The following MKX variants were observed in gnomAD, a reference collection of about 807,000 sequenced individuals.
The protein encoded by MKX is mohawk homeobox.
In MKX, 13 loss-of-function variants were observed where a neutral mutation model predicts 36.0. The ratio of observed to expected loss-of-function variants is 0.36; its 90% CI spans 0.24 to 0.57. The LOEUF (loss-of-function observed/expected upper bound fraction) is 0.57, where lower values mean the gene tolerates loss of function less well. Ranked by LOEUF, MKX falls within the 20% of genes least tolerant of loss-of-function variation. The pLI, the probability that MKX is intolerant of heterozygous loss-of-function variation, is 0.79. For missense variants in MKX, 458 were observed against 456.4 expected, an observed-to-expected ratio of 1.00 and a Z score of -0.03; for synonymous variants, 176 against 178.3, an observed-to-expected ratio of 0.99 and a Z score of 0.10.
At chr10:27,718,025 G>C (rs1007193803) in intron 5 of MKX, among the ~76,000 whole-genome samples, 1 of 152,174 alleles carries the variant, frequency 6.6e-6, no homozygotes, top group Non-Finnish European at 1.5e-5. Context: ...GGTGACAGAT[G>C]AACAATCAAC....
In MKX at chr10:27,707,886, C is replaced by T. The variant is rs79071055; in HGVS notation, c.838+26570G>A. On this transcript the variant is annotated intron_variant, in intron 5 of 6. Transcript: ENST00000419761. ...AGCTTATATCCTCTAAACAAAAATG[C>T]TTCTGTTTGAAAGTACAGTGACTTA... Among the ~76,000 whole-genome samples, 269 of 152,264 alleles carry T rather than the reference C, an allele frequency of 1.8e-3. 1 individual carries two copies. Among genetic ancestry groups the T allele is most frequent in the Middle Eastern group, 3.4e-3 (1 of 294 alleles).
rs1468426359 is a variant in MKX at position 27,674,559 on chromosome 10, C to T, written c.*670G>A. ...CAACAGTGCTTGAAAAAAAGTTTTC[C>T]TGGTCACCATGTGTTCAATGAAATT... On this transcript the variant is annotated 3_prime_UTR_variant, in exon 7 of 7. Coordinates refer to ENST00000419761, the MANE Select transcript of MKX (RefSeq NM_173576.3). 1 of 152,212 alleles carries T rather than the reference C, an allele frequency of 6.6e-6. No homozygotes were observed. Among genetic ancestry groups the T allele is most frequent in the East Asian group, 1.9e-4 (1 of 5,178 alleles). 9.4% of individuals were successfully genotyped at this position (152,212 alleles called of 1,614,324 possible). A position where few individuals can be genotyped will look rare whatever the true frequency, so the allele number is the denominator to read the frequency against.
intron 3 of MKX, among the ~76,000 whole-genome samples, chr10:27,739,954 T>TA: frequency 6.6e-6 from 1 of 152,338 alleles, no homozygotes; most frequent in East Asian, 1.9e-4. Flanking sequence ...GGTACATTGC[T>TA]AAAAGATTCA....
intron 5 of MKX, among the ~76,000 whole-genome samples, chr10:27,702,135 C>A (rs1400718186): frequency 2.6e-5 from 4 of 152,074 alleles, no homozygotes; most frequent in Non-Finnish European, 5.9e-5. Context: ...TGAGGGAGTA[C>A]AAAACTCTCT....
At chr10:27,693,734 T>C (rs1360261567) in intron 5 of MKX, among the ~76,000 whole-genome samples, 1 of 152,224 alleles carries the variant, frequency 6.6e-6, no homozygotes, top group Non-Finnish European at 1.5e-5. Flanking sequence ...AAATGGCCAA[T>C]GAATGTAATA....
intron 5 of MKX, among the ~76,000 whole-genome samples, chr10:27,722,554 A>G (rs1451176318): frequency 6.6e-6 from 1 of 152,186 alleles, no homozygotes; most frequent in Non-Finnish European, 1.5e-5. Context: ...CCAGTTGCTA[A>G]CAGATCTGGC....
At chr10:27,692,004 C>T (rs750969291) in intron 5 of MKX, among the ~76,000 whole-genome samples, 7 of 152,112 alleles carry the variant, frequency 4.6e-5, no homozygotes, top group Non-Finnish European at 8.8e-5. Flanking sequence ...AATAGTGCTG[C>T]GATGAATATA....
At chr10:27,720,612 T>C (rs546094946) in intron 5 of MKX, among the ~76,000 whole-genome samples, 2 of 152,290 alleles carry the variant, frequency 1.3e-5, no homozygotes, top group South Asian at 2.1e-4. Flanking sequence ...TGGGGAGATA[T>C]CTTATTAAAT....
At chr10:27,675,496 C>T (rs201726531) in intron 6 of MKX, 25 bp downstream of exon 6, 399 of 1,614,104 alleles carry the variant, frequency 2.5e-4, no homozygotes, top group East Asian at 1.8e-3. Flanking sequence ...AAAGCAGGAA[C>T]GGCCAATGGG....
intron 5 of MKX, among the ~76,000 whole-genome samples, chr10:27,713,370 G>C (rs1012507618): frequency 2.6e-5 from 4 of 152,192 alleles, no homozygotes; most frequent in Non-Finnish European, 5.9e-5. Flanking sequence ...AGGATGCAAG[G>C]CTTTTTACCC....
intron 3 of MKX, among the ~76,000 whole-genome samples, chr10:27,738,690 G>A (rs1834830222): frequency 1.3e-5 from 2 of 151,980 alleles, no homozygotes; most frequent in South Asian, 4.1e-4. Context: ...AGCTGGGAGG[G>A]AAAACTAAAT....
intron 3 of MKX, among the ~76,000 whole-genome samples, chr10:27,737,570 T>C (rs1834806769): frequency 6.6e-6 from 1 of 152,130 alleles, no homozygotes; most frequent in African/African-American, 2.4e-5. Flanking sequence ...AAAATTAAGA[T>C]GGGTGAATAC....
intron 5 of MKX, among the ~76,000 whole-genome samples, chr10:27,679,001 G>A (rs570841662): frequency 6.6e-6 from 1 of 152,296 alleles, no homozygotes; most frequent in Admixed American, 6.5e-5. Flanking sequence ...GGATTCAATA[G>A]ACTGAATTCT....
chr10:27,733,589 G>T (rs1321027494), intron 5 of MKX, among the ~76,000 whole-genome samples: 1 of 152,146 alleles, frequency 6.6e-6, no homozygotes, highest in Admixed American at 6.5e-5. Flanking sequence ...AATGTGCCTG[G>T]TCTAGATGTT....
chr10:27,744,298 G>T lies in MKX; in HGVS notation c.-82-801C>A, dbSNP rs950099064. On this transcript the variant is annotated intron_variant, in intron 1 of 6. Coordinates refer to ENST00000419761, the MANE Select transcript of MKX (RefSeq NM_173576.3). The surrounding 1 kb of genome is among the most constrained non-coding windows in gnomAD (Gnocchi z 5.6). ...AGTGCCATTCTCTTCCGCAGCGCGG[G>T]TGTCAGCCGCGAGCTCGTAGCCCCT... is the stretch of plus-strand genomic sequence containing the variant. Among the ~76,000 whole-genome samples the T allele has an allele frequency of 3.9e-5, 6 of 152,108 alleles. No homozygotes were observed. The highest frequency in any genetic ancestry group is 8.8e-5 in the Non-Finnish European group (6 of 68,006).
chr10:27,717,267 C>A (rs1456956614), intron 5 of MKX, among the ~76,000 whole-genome samples: 1 of 152,202 alleles, frequency 6.6e-6, no homozygotes, highest in African/African-American at 2.4e-5. Context: ...AGACTTCCGA[C>A]TTCCAGAACT....
intron 5 of MKX, among the ~76,000 whole-genome samples, chr10:27,706,898 A>G (rs1836765963): frequency 6.6e-6 from 1 of 152,234 alleles, no homozygotes; most frequent in East Asian, 1.9e-4. Context: ...TATTTAGATG[A>G]GATCTCTCTG....
intron 5 of MKX, among the ~76,000 whole-genome samples, chr10:27,704,477 A>C (rs1371440977): frequency 1.3e-5 from 2 of 152,120 alleles, no homozygotes; most frequent in African/African-American, 4.8e-5. Flanking sequence ...CAGAAACATG[A>C]GTAAAAAGAA....
intron 5 of MKX, among the ~76,000 whole-genome samples, chr10:27,727,039 AATGAAAGAGATAGG>A (rs1340566476): frequency 5.9e-5 from 9 of 152,200 alleles, no homozygotes; most frequent in African/African-American, 7.2e-5. Context: ...GCCAGTACCA[AATGAAAGAGATAGG>A]ATGCGACTGC....
Sources: allele counts gnomAD v4.1 joint callset (sites outside exome capture counted in the v4.1 genomes callset), GRCh38; gene constraint gnomAD v4.1.1; non-coding constraint Gnocchi (gnomAD v3.1); transcripts MANE v1.5; gene names NCBI Gene and HGNC (gene_info 2026-07-23, HGNC 2026-07-21).